Variants in TSHR observed in about 807,000 individuals in gnomAD.
TSHR encodes thyrotropin receptor.
Under a neutral mutation model 64.1 loss-of-function variants are expected in TSHR, and 51 were observed. The observed-to-expected ratio is 0.80, with a 90% CI of 0.64 to 1.01. TSHR has a LOEUF of 1.01. Ranked by LOEUF, TSHR falls within the 50% of genes least tolerant of loss-of-function variation. The pLI is 0.00. For missense variants in TSHR, 877 were observed against 942.8 expected, an observed-to-expected ratio of 0.93 and a Z score of 0.91; for synonymous variants, 361 against 361.9, an observed-to-expected ratio of 1.00 and a Z score of 0.03.
At chr14:81,008,611 G>A (rs1889732815) in intron 1 of TSHR, among the ~76,000 whole-genome samples, 1 of 152,108 alleles carries the variant, frequency 6.6e-6, no homozygotes, top group African/African-American at 2.4e-5. Flanking sequence ...TGTAAAATAA[G>A]GCAAAATAAA....
chr14:81,000,075 G>A (rs1489383624), intron 1 of TSHR, among the ~76,000 whole-genome samples: 1 of 151,862 alleles, frequency 6.6e-6, no homozygotes, highest in African/African-American at 2.4e-5. Flanking sequence ...GGGACTACAG[G>A]CGCATGCCAC....
intron 8 of TSHR, among the ~76,000 whole-genome samples, chr14:81,135,556 A>G (rs1011029448): frequency 4.0e-4 from 61 of 152,320 alleles, no homozygotes; most frequent in African/African-American, 1.5e-3. Flanking sequence ...GATGTGCAAC[A>G]GCTGGGCTCA....
intron 1 of TSHR, among the ~76,000 whole-genome samples, chr14:81,021,265 C>T (rs1883735374): frequency 6.6e-6 from 1 of 151,956 alleles, no homozygotes; most frequent in Non-Finnish European, 1.5e-5. Context: ...CTGAGGAGTC[C>T]CTGATCAACC....
intron 8 of TSHR, among the ~76,000 whole-genome samples, chr14:81,131,856 A>G (rs1472842607): frequency 6.6e-6 from 1 of 151,898 alleles, no homozygotes; most frequent in South Asian, 2.1e-4. Context: ...CTTTTTTAAG[A>G]AAAAATTACC....
rs1888726814 is a variant in TSHR at position 80,991,565 on chromosome 14, A to T, written c.170+35715A>T. The T allele has an allele frequency of 1.0e-5, 4 of 398,646 alleles. No homozygotes were observed. The East Asian group carries it at 1.4e-4, about 14-fold the overall frequency. The allele number at this position is 398,646 out of a possible 1,614,324, so 24.7% of individuals were successfully genotyped here. On this transcript the variant is annotated intron_variant, in intron 1 of 9. Coordinates refer to ENST00000298171, the MANE Select transcript of TSHR (RefSeq NM_000369.5). Reference sequence around the variant, plus strand: ...GATATTGGAGAAGAGAGAGGAAAAAAGTCTGGGAATTGGAGATAAAATTCA... The same window carrying T: ...GATATTGGAGAAGAGAGAGGAAAAATGTCTGGGAATTGGAGATAAAATTCA...
At chr14:80,965,336 T>C (rs1021850832) in intron 1 of TSHR, among the ~76,000 whole-genome samples, 2 of 152,190 alleles carry the variant, frequency 1.3e-5, no homozygotes, top group African/African-American at 4.8e-5. Context: ...TATAGTGAGT[T>C]GATCACGACC....
chr14:80,993,798 T>G (rs756398775), intron 1 of TSHR: 3 of 151,870 alleles, frequency 2.0e-5, no homozygotes, highest in Non-Finnish European at 2.9e-5. Context: ...TACATATCAA[T>G]CTTAATTTTT....
chr14:81,032,392 G>A lies in TSHR; in HGVS notation c.171-29756G>A, dbSNP rs996870412. The A allele has an allele frequency of 1.4e-5, 3 of 214,826 alleles. No individual in the cohort carries two copies. In the Admixed American group the frequency reaches 1.6e-4, roughly 11 times the overall value. 13.3% of individuals were successfully genotyped at this position (214,826 alleles called of 1,614,324 possible). ...CATTTTTCTAGCCCACCTTAGAGAAGACTGTTGACACACTGGTCAAAATGG... is the reference window on the plus strand; with the variant it reads ...CATTTTTCTAGCCCACCTTAGAGAAAACTGTTGACACACTGGTCAAAATGG... On this transcript the variant is annotated intron_variant, in intron 1 of 9. Coordinates refer to ENST00000298171, the MANE Select transcript of TSHR (RefSeq NM_000369.5).
At chr14:81,004,476 T>G (rs1041014092) in intron 1 of TSHR, among the ~76,000 whole-genome samples, 1 of 152,240 alleles carries the variant, frequency 6.6e-6, no homozygotes, top group Non-Finnish European at 1.5e-5. Context: ...TAATGCTCCA[T>G]GTATTTTCAC....
intron 1 of TSHR, among the ~76,000 whole-genome samples, chr14:80,987,975 G>C (rs557829318): frequency 6.6e-6 from 1 of 152,224 alleles, no homozygotes; most frequent in East Asian, 1.9e-4. Flanking sequence ...TTTGACAACA[G>C]ATTAAAATTG....
intron 8 of TSHR, among the ~76,000 whole-genome samples, chr14:81,132,098 T>C (rs1891272364): frequency 6.6e-6 from 1 of 152,388 alleles, no homozygotes; most frequent in South Asian, 2.1e-4. Flanking sequence ...TTCAATTCAA[T>C]ATTAATAAAT....
At chr14:81,092,316 C>G (rs1175220040) in intron 5 of TSHR, among the ~76,000 whole-genome samples, 1 of 152,158 alleles carries the variant, frequency 6.6e-6, no homozygotes, top group African/African-American at 2.4e-5. Context: ...TCACTTACCC[C>G]ACATTTGGGC....
At chr14:81,139,254 A>G (rs759149301) in intron 8 of TSHR, among the ~76,000 whole-genome samples, 15 of 152,214 alleles carry the variant, frequency 9.9e-5, no homozygotes, top group Non-Finnish European at 1.5e-4. Context: ...TGAGCAGTTT[A>G]TCAGTCCCCA....
chr14:81,046,248 G>T (rs1378572905), intron 1 of TSHR, among the ~76,000 whole-genome samples: 1 of 151,846 alleles, frequency 6.6e-6, no homozygotes, highest in African/African-American at 2.4e-5. Flanking sequence ...AGAGATGATG[G>T]AATTAACAAG....
chr14:81,089,010 A>G (rs1378401090), intron 4 of TSHR, among the ~76,000 whole-genome samples: 5 of 142,094 alleles, frequency 3.5e-5, no homozygotes, highest in East Asian at 4.1e-4. Context: ...TTTTTGAGAT[A>G]GAGTCTTGCT....
intron 8 of TSHR, among the ~76,000 whole-genome samples, chr14:81,131,452 T>G (rs1891244444): frequency 6.6e-6 from 1 of 152,190 alleles, no homozygotes; most frequent in Non-Finnish European, 1.5e-5. Context: ...TGATCTCACT[T>G]CCATGAAAAT....
chr14:81,009,415 C>A (rs930025389), intron 1 of TSHR, among the ~76,000 whole-genome samples: 4 of 148,932 alleles, frequency 2.7e-5, no homozygotes, highest in African/African-American at 9.7e-5. Context: ...TACCCCTATG[C>A]GCCCACCTCC....
At chr14:80,981,751 A>G (rs1214964910) in intron 1 of TSHR, among the ~76,000 whole-genome samples, 1 of 152,140 alleles carries the variant, frequency 6.6e-6, no homozygotes, top group Non-Finnish European at 1.5e-5. Context: ...CAGCTTCAGC[A>G]GGTCTGCACT....
At chr14:81,042,594 A>G (rs1884974932) in intron 1 of TSHR, among the ~76,000 whole-genome samples, 1 of 152,164 alleles carries the variant, frequency 6.6e-6, no homozygotes, top group Non-Finnish European at 1.5e-5. Context: ...AGTTGACATC[A>G]TAGAAGTAGA....
Sources: gnomAD v4.1 joint callset for allele counts (sites outside exome capture counted in the v4.1 genomes callset) on GRCh38, gnomAD v4.1.1 for gene constraint, MANE v1.5 for transcripts, NCBI Gene and HGNC (gene_info 2026-07-23, HGNC 2026-07-21) for gene names.